Variants in NTRK2 observed in about 807,000 individuals in gnomAD.
The protein encoded by NTRK2 is BDNF/NT-3 growth factors receptor.
NTRK2 carries 13 observed loss-of-function variants against 94.5 expected under a neutral mutation model. The observed-to-expected ratio is 0.14, with a 90% CI of 0.09 to 0.22. The LOEUF (loss-of-function observed/expected upper bound fraction) is 0.22. Ranked by LOEUF, NTRK2 falls within the 10% of genes least tolerant of loss-of-function variation. The pLI is 1.00. For missense variants in NTRK2, 639 were observed against 1,071.2 expected (o/e 0.60, Z 5.63); for synonymous variants, 372 against 407.4 (o/e 0.91, Z 1.05).
chr9:84,888,538 G>A (rs1164025909), intron 14 of NTRK2, among the ~76,000 whole-genome samples: 2 of 144,630 alleles, frequency 1.4e-5, no homozygotes, highest in East Asian at 2.1e-4. Flanking sequence ...GCTTGAACCC[G>A]GGAGGCAGAG....
At chr9:84,719,713 A>C (rs964883159) in intron 6 of NTRK2, among the ~76,000 whole-genome samples, 1 of 152,060 alleles carries the variant, frequency 6.6e-6, no homozygotes, top group African/African-American at 2.4e-5. Context: ...AGATAAATCT[A>C]TAAATATAGA....
chr9:84,878,741 T>A (rs915042332), intron 14 of NTRK2, among the ~76,000 whole-genome samples: 1 of 152,232 alleles, frequency 6.6e-6, no homozygotes, highest in Non-Finnish European at 1.5e-5. Flanking sequence ...TAACTGGATT[T>A]TTAGCATTTC....
intron 14 of NTRK2, among the ~76,000 whole-genome samples, chr9:84,885,904 G>A (rs1237416143): frequency 5.9e-5 from 9 of 151,902 alleles, no homozygotes; most frequent in East Asian, 1.9e-4. Flanking sequence ...TGGTGGCGGC[G>A]CCTGTAATCC....
intron 12 of NTRK2, among the ~76,000 whole-genome samples, chr9:84,843,239 A>T (rs1451909684): frequency 1.3e-5 from 2 of 152,206 alleles, no homozygotes; most frequent in African/African-American, 4.8e-5. Context: ...GGTCTACAGT[A>T]GATGAGTAGT....
In NTRK2 at chr9:85,023,205, A is replaced by C. The variant is rs1405839034; in HGVS notation, c.*1768A>C. On this transcript the variant is annotated 3_prime_UTR_variant, in exon 19 of 19. Coordinates refer to ENST00000277120, the MANE Select transcript of NTRK2 (RefSeq NM_006180.6). ...TGGTCAGATATACCAAGAAAGAAAA[A>C]TATTTCTGTTCCTCAAGAAAACTTG... The C allele has an allele frequency of 8.6e-6, 2 of 233,062 alleles. No individual in the cohort carries two copies. Among genetic ancestry groups the C allele is most frequent in the Non-Finnish European group, 8.5e-6 (1 of 117,898 alleles). 14.4% of individuals were successfully genotyped at this position (233,062 alleles called of 1,614,324 possible). A position where few individuals can be genotyped will look rare whatever the true frequency, so the allele number is the denominator to read the frequency against.
chr9:84,786,341 A>G (rs1463453475), intron 12 of NTRK2, among the ~76,000 whole-genome samples: 1 of 152,214 alleles, frequency 6.6e-6, no homozygotes, highest in Admixed American at 6.5e-5. Flanking sequence ...AATGAGACTG[A>G]GATACGAAGA....
intron 12 of NTRK2, among the ~76,000 whole-genome samples, chr9:84,795,143 A>G (rs1046160706): frequency 3.3e-5 from 5 of 152,168 alleles, no homozygotes; most frequent in African/African-American, 9.7e-5. Context: ...TCAGGGATCT[A>G]TCTGTTCTCT....
intron 2 of NTRK2, among the ~76,000 whole-genome samples, chr9:84,685,063 A>G (rs922201654): frequency 6.6e-6 from 1 of 151,128 alleles, no homozygotes; most frequent in African/African-American, 2.4e-5. Context: ...GCAATTTTAT[A>G]TTTTCTTCTA....
intron 17 of NTRK2, among the ~76,000 whole-genome samples, chr9:84,988,120 TG>T (rs1828557279): frequency 6.6e-6 from 1 of 152,156 alleles, no homozygotes; most frequent in African/African-American, 2.4e-5. Context: ...TTCAGTAGAG[TG>T]CCACAAAGAA....
chr9:84,724,468 A>G, intron 8 of NTRK2, 112 bp downstream of exon 8: 1 of 1,245,766 alleles, frequency 8.0e-7, no homozygotes, highest in South Asian at 1.2e-5. Context: ...AAGTATATGC[A>G]GTGTTTTGTG....
intron 17 of NTRK2, among the ~76,000 whole-genome samples, chr9:85,013,450 G>A (rs1387369611): frequency 8.6e-5 from 13 of 152,038 alleles, no homozygotes; most frequent in Admixed American, 7.9e-4. Context: ...TTACAGGTGC[G>A]TGACACCACC....
rs144154922 is a variant in NTRK2 at position 84,871,050 on chromosome 9, A to G, written c.1633+3619A>G. ...TTATTTATAACACTCTTTTAATACT[A>G]GGAACGAGAGATCTCTTGAAAATGA... is the stretch of plus-strand genomic sequence containing the variant. On this transcript the variant is annotated intron_variant, in intron 14 of 18. Coordinates refer to ENST00000277120, the MANE Select transcript of NTRK2 (RefSeq NM_006180.6). 1.3e-4 allele frequency among the ~76,000 whole-genome samples: 20 copies of G among 152,342 alleles called. No individual in the cohort carries two copies. In the East Asian group the frequency reaches 3.9e-3, roughly 29 times the overall value.
chr9:84,944,638 G>A (rs1325213802), intron 15 of NTRK2, among the ~76,000 whole-genome samples: 1 of 152,212 alleles, frequency 6.6e-6, no homozygotes, highest in African/African-American at 2.4e-5. Context: ...AACATTGCAG[G>A]CCAAGGGCTG....
At chr9:84,788,765 G>T (rs957723960) in intron 12 of NTRK2, among the ~76,000 whole-genome samples, 51 of 152,146 alleles carry the variant, frequency 3.4e-4, no homozygotes, top group Admixed American at 3.3e-3. Flanking sequence ...TAAAGTGGAT[G>T]TTAGGTAGAA....
chr9:84,669,636 T>C (rs927485935), upstream of NTRK2: 2 of 152,762 alleles, frequency 1.3e-5, no homozygotes, highest in African/African-American at 4.8e-5. This position sits in a 1 kb window ranked among gnomAD's most constrained non-coding sequence, Gnocchi z 4.1. Flanking sequence ...GAGGGTGTTA[T>C]GGGTTTGTGT....
At chr9:84,709,155 T>G (rs2131810893) in intron 5 of NTRK2, among the ~76,000 whole-genome samples, 1 of 152,236 alleles carries the variant, frequency 6.6e-6, no homozygotes, top group East Asian at 1.9e-4. Flanking sequence ...GATTCTGTTA[T>G]CCAGTGGGAG....
At chr9:84,849,298 G>A (rs1437446510) in intron 12 of NTRK2, among the ~76,000 whole-genome samples, 7 of 152,046 alleles carry the variant, frequency 4.6e-5, no homozygotes, top group Non-Finnish European at 7.4e-5. Context: ...AAGAGGAAGC[G>A]AAAAACCCAG....
At chr9:84,708,557 T>A (rs1264066318) in intron 5 of NTRK2, among the ~76,000 whole-genome samples, 2 of 152,224 alleles carry the variant, frequency 1.3e-5, no homozygotes, top group African/African-American at 4.8e-5. Context: ...TTGTCCCCAT[T>A]AAACAAATAT....
intron 14 of NTRK2, among the ~76,000 whole-genome samples, chr9:84,928,297 T>C (rs1466697184): frequency 6.6e-6 from 1 of 152,194 alleles, no homozygotes. Flanking sequence ...GGAAAATCAT[T>C]TTTGTTAATT....
Sources: gnomAD v4.1 joint callset for allele counts (sites outside exome capture counted in the v4.1 genomes callset) on GRCh38, gnomAD v4.1.1 for gene constraint, Gnocchi (gnomAD v3.1) non-coding constraint, MANE v1.5 for transcripts, NCBI Gene and HGNC (gene_info 2026-07-23, HGNC 2026-07-21) for gene names.